Variants in SH3GL2 observed in about 807,000 individuals in gnomAD.
SH3GL2 encodes SH3 domain containing GRB2 like 2, endophilin A1.
A neutral mutation model predicts 46.0 loss-of-function variants in SH3GL2; 24 were observed. The ratio of observed to expected loss-of-function variants is 0.52; its 90% CI spans 0.38 to 0.73. The LOEUF is 0.73. SH3GL2 is among the 30% of genes least tolerant of loss of function. The pLI is 0.00. For synonymous variants in SH3GL2, 196 were observed against 147.1 expected (o/e 1.33, Z -2.40); for missense variants, 413 against 424.2 (o/e 0.97, Z 0.23).
At chr9:17,582,995 T>G (rs773425356) in intron 1 of SH3GL2, among the ~76,000 whole-genome samples, 26 of 152,238 alleles carry the variant, frequency 1.7e-4, no homozygotes, top group Non-Finnish European at 3.4e-4. Context: ...CAGTATGATT[T>G]TATCTTAAAT....
chr9:17,648,540 A>C (rs1014039590), intron 1 of SH3GL2, among the ~76,000 whole-genome samples: 5 of 152,286 alleles, frequency 3.3e-5, no homozygotes, highest in Admixed American at 3.3e-4. Context: ...AGCATTGGTA[A>C]ATGAATTCTT....
chr9:17,775,791 G>C (rs1823625132), intron 3 of SH3GL2, among the ~76,000 whole-genome samples: 1 of 152,118 alleles, frequency 6.6e-6, no homozygotes, highest in Non-Finnish European at 1.5e-5. Context: ...TCCCCCAACA[G>C]TCAGAACATA....
chr9:17,612,124 G>C (rs921456140), intron 1 of SH3GL2, among the ~76,000 whole-genome samples: 34 of 152,130 alleles, frequency 2.2e-4, no homozygotes, highest in African/African-American at 7.2e-4. Flanking sequence ...GTCTGTATGG[G>C]GGAAAGTCCG....
intron 1 of SH3GL2, among the ~76,000 whole-genome samples, chr9:17,662,869 C>T (rs1820256032): frequency 6.6e-6 from 1 of 152,120 alleles, no homozygotes; most frequent in Admixed American, 6.6e-5. Flanking sequence ...GCCACCACGC[C>T]CAGCTCATTT....
At chr9:17,773,900 T>C (rs1823566191) in intron 3 of SH3GL2, among the ~76,000 whole-genome samples, 1 of 152,176 alleles carries the variant, frequency 6.6e-6, no homozygotes, top group Non-Finnish European at 1.5e-5. Context: ...GTTGACATCT[T>C]AATAATATTA....
chr9:17,707,269 G>A (rs762895855), intron 1 of SH3GL2, among the ~76,000 whole-genome samples: 18 of 151,962 alleles, frequency 1.2e-4, no homozygotes, highest in Non-Finnish European at 2.1e-4. Flanking sequence ...TATCACATCT[G>A]AGCTGAAATA....
chr9:17,668,630 G>T (rs987203147), intron 1 of SH3GL2, among the ~76,000 whole-genome samples: 14 of 151,220 alleles, frequency 9.3e-5, no homozygotes, highest in Non-Finnish European at 2.1e-4. Context: ...TTTCAAAATG[G>T]CTGTTCTTTT....
intron 1 of SH3GL2, among the ~76,000 whole-genome samples, chr9:17,703,149 T>G (rs1821379320): frequency 6.6e-6 from 1 of 151,998 alleles, no homozygotes; most frequent in African/African-American, 2.4e-5. Flanking sequence ...GTAGCCTGGG[T>G]GTTGCCAGAA....
In SH3GL2 at chr9:17,754,791, G is replaced by A. The variant is rs138154487; in HGVS notation, c.115-6646G>A. ...TCCTGAGTTGGCTCTTGGCTTGACTGTTCTTGGTGTATAGGAATGCTAGTG... is the reference window on the plus strand; with the variant it reads ...TCCTGAGTTGGCTCTTGGCTTGACTATTCTTGGTGTATAGGAATGCTAGTG... On this transcript the variant is annotated intron_variant, in intron 2 of 8. Coordinates refer to ENST00000380607, the MANE Select transcript of SH3GL2 (RefSeq NM_003026.5). 3.5e-3 allele frequency among the ~76,000 whole-genome samples: 536 copies of A among 152,284 alleles called. 2 individuals carry two copies. The highest frequency in any genetic ancestry group is 0.012 in the African/African-American group (517 of 41,550).
chr9:17,767,142 T>C (rs35572607), intron 3 of SH3GL2, among the ~76,000 whole-genome samples: 12,357 of 152,256 alleles, frequency 0.081, 646 homozygotes, highest in Non-Finnish European at 0.11. Context: ...ATGTGAAAAA[T>C]GTTGTACACA....
intron 1 of SH3GL2, among the ~76,000 whole-genome samples, chr9:17,609,237 C>G (rs980460701): frequency 6.6e-6 from 1 of 151,570 alleles, no homozygotes; most frequent in Admixed American, 6.6e-5. Context: ...CAAGATCAGT[C>G]TGTAAGAGGT....
At chr9:17,787,653 G>T (rs1360027095) in intron 5 of SH3GL2, 140 bp downstream of exon 5, 1 of 634,212 alleles carries the variant, frequency 1.6e-6, no homozygotes, top group Non-Finnish European at 2.7e-6. Flanking sequence ...AACCCAGTAA[G>T]ACAAAATGAG....
chr9:17,624,862 C>T (rs190153347), intron 1 of SH3GL2, among the ~76,000 whole-genome samples: 1 of 152,232 alleles, frequency 6.6e-6, no homozygotes, highest in Non-Finnish European at 1.5e-5. Context: ...GTGTTAGGCC[C>T]AGGCTTTGGG....
At chr9:17,790,449 C>G (rs1251056752) in intron 6 of SH3GL2, 1 of 981,754 alleles carries the variant, frequency 1.0e-6, no homozygotes, top group Non-Finnish European at 1.2e-6. Context: ...CCAGACTTTC[C>G]TACCACCTGG....
In SH3GL2 at chr9:17,758,850, T is replaced by C. The variant is rs113288147; in HGVS notation, c.115-2587T>C. Among the ~76,000 whole-genome samples, 298 of 152,214 alleles carry C rather than the reference T, an allele frequency of 2.0e-3. 2 individuals carry two copies. The highest frequency in any genetic ancestry group is 7.0e-3 in the African/African-American group (289 of 41,558). On this transcript the variant is annotated intron_variant, in intron 2 of 8. Coordinates refer to ENST00000380607, the MANE Select transcript of SH3GL2 (RefSeq NM_003026.5). ...AATGGGCACAAAGTCGGTAAACATC[T>C]GGGTGGGATGAGCTCTTTCTTTAGA... is the stretch of plus-strand genomic sequence containing the variant.
At chr9:17,699,153 C>CAAAA (rs3084657) in intron 1 of SH3GL2, among the ~76,000 whole-genome samples, 8 of 86,504 alleles carry the variant, frequency 9.2e-5, no homozygotes, top group East Asian at 3.2e-4. Flanking sequence ...GACTCTGTCT[C>CAAAA]AAAAAAAAAA....
At chr9:17,654,675 A>G (rs367919795) in intron 1 of SH3GL2, among the ~76,000 whole-genome samples, 3 of 152,352 alleles carry the variant, frequency 2.0e-5, no homozygotes, top group South Asian at 2.1e-4. Context: ...AAATTTGTAG[A>G]TAAAAATGAG....
At position 17,761,473 on chromosome 9, in the gene SH3GL2, A is replaced by G; in HGVS notation, c.151A>G (p.Met51Val). 6.2e-7 allele frequency: 1 copy of G among 1,608,876 alleles called. No individual in the cohort carries two copies. Among genetic ancestry groups the G allele is most frequent in the East Asian group, 2.2e-5 (1 of 44,858 alleles). Residue 51 changes from methionine to valine, a missense_variant, in exon 3 of 9, where the codon ATG (methionine) becomes GTG (valine). By Grantham distance (21) the Met-to-Val change is conservative. Around this residue, in one of 3 missense-constraint regions of SH3GL2, gnomAD observed 160 missense variants for 192.3 expected, o/e 0.83. Transcript: ENST00000380607. The part of the protein sequence containing the change: ...DVTSRAVMEI[M>V]TKTIEYLQPN... ...CACCAGCAGGGCTGTGATGGAAATAATGACTAAAACAATTGAATACCTTCA... is the reference window on the plus strand; with the variant it reads ...CACCAGCAGGGCTGTGATGGAAATAGTGACTAAAACAATTGAATACCTTCA...
chr9:17,647,427 C>CTCTG (rs1009693248), intron 1 of SH3GL2, among the ~76,000 whole-genome samples: 1 of 151,710 alleles, frequency 6.6e-6, no homozygotes, highest in Non-Finnish European at 1.5e-5. Flanking sequence ...CTCTCTCTCT[C>CTCTG]TGTCTCTCTC....
Sources: allele counts gnomAD v4.1 joint callset (sites outside exome capture counted in the v4.1 genomes callset), GRCh38; gene constraint gnomAD v4.1.1; regional missense constraint gnomAD v4.1.1; transcripts MANE v1.5; gene names NCBI Gene and HGNC (gene_info 2026-07-23, HGNC 2026-07-21).